TMPRSS12: variants seen among roughly 807,000 people sequenced by gnomAD.
TMPRSS12 encodes transmembrane serine protease 12.
A neutral mutation model predicts 26.0 loss-of-function variants in TMPRSS12; 25 were observed. That is an observed-to-expected ratio of 0.96 (90% CI 0.70 to 1.34). TMPRSS12 has a LOEUF of 1.34. Ranked by LOEUF, TMPRSS12 falls within the 40% of genes most tolerant of loss-of-function variation. The probability of loss-of-function intolerance (pLI) is 0.00; values close to 1 mark genes in which losing one functional copy is unlikely to be tolerated. For missense variants in TMPRSS12, 441 were observed against 440.1 expected, an observed-to-expected ratio of 1.00 and a Z score of -0.02; for synonymous variants, 150 against 161.7, an observed-to-expected ratio of 0.93 and a Z score of 0.55.
intron 2 of TMPRSS12, among the ~76,000 whole-genome samples, chr12:50,857,018 A>T (rs829135): frequency 0.65 from 98,526 of 151,990 alleles, 32,245 homozygotes; most frequent in Non-Finnish European, 0.7. Context: ...AGAAAATGAG[A>T]AAACAGAAAT....
chr12:50,878,300 G>T (rs138006190), intron 3 of TMPRSS12, among the ~76,000 whole-genome samples: 3 of 152,280 alleles, frequency 2.0e-5, no homozygotes, highest in African/African-American at 7.2e-5. Flanking sequence ...ACCTGTAGAG[G>T]CTGGGAGTGG....
intron 3 of TMPRSS12, among the ~76,000 whole-genome samples, chr12:50,881,728 T>C (rs1938164797): frequency 6.6e-6 from 1 of 151,554 alleles, no homozygotes. Flanking sequence ...CCCAGCACTT[T>C]GGGAGGCTGA....
rs1281379620 is a variant in TMPRSS12, at chr12:50,843,248, A to G, written c.187+97A>G. Reference sequence around the variant, plus strand: ...GGGTTTCTCCTTTTCTGTTGTCCCAATGGCCTTTAACCAAAATTTTACATA... The same window carrying G: ...GGGTTTCTCCTTTTCTGTTGTCCCAGTGGCCTTTAACCAAAATTTTACATA... On this transcript the variant is annotated intron_variant, in intron 1 of 4. Coordinates refer to ENST00000398458, the MANE Select transcript of TMPRSS12 (RefSeq NM_182559.3). 1.3e-5 allele frequency: 17 copies of G among 1,353,370 alleles called. No individual in the cohort carries two copies. In the South Asian group the frequency reaches 1.5e-4, roughly 12 times the overall value. 83.8% of individuals were successfully genotyped at this position (1,353,370 alleles called of 1,614,324 possible). A position where few individuals can be genotyped will look rare whatever the true frequency, so the allele number is the denominator to read the frequency against.
intron 2 of TMPRSS12, among the ~76,000 whole-genome samples, chr12:50,850,202 T>C (rs997167214): frequency 4.6e-5 from 7 of 152,030 alleles, no homozygotes; most frequent in Non-Finnish European, 1.0e-4. Flanking sequence ...GGTGACTGGA[T>C]TGTGGGGGCA....
chr12:50,847,758 G>A (rs886304526), intron 2 of TMPRSS12, among the ~76,000 whole-genome samples: 3 of 152,026 alleles, frequency 2.0e-5, no homozygotes, highest in Admixed American at 1.3e-4. Context: ...TTAGCCAGGC[G>A]TGGTGGTGGG....
intron 4 of TMPRSS12, chr12:50,886,164 G>A (rs1565938982): frequency 6.6e-6 from 1 of 151,948 alleles, no homozygotes; most frequent in African/African-American, 2.4e-5. Flanking sequence ...TTTTATCACT[G>A]AGTTATAAGC....
intron 2 of TMPRSS12, among the ~76,000 whole-genome samples, chr12:50,848,749 A>T (rs1937797265): frequency 6.6e-6 from 1 of 152,198 alleles, no homozygotes; most frequent in African/African-American, 2.4e-5. Flanking sequence ...TTTCCCAGAG[A>T]GCTGTGGTCA....
At chr12:50,865,210 G>A (rs1057505713) in intron 3 of TMPRSS12, among the ~76,000 whole-genome samples, 1 of 152,210 alleles carries the variant, frequency 6.6e-6, no homozygotes, top group East Asian at 1.9e-4. Flanking sequence ...GTGGGTGCCT[G>A]TAATCCCAGC....
At chr12:50,852,636 C>G (rs1022396922) in intron 2 of TMPRSS12, among the ~76,000 whole-genome samples, 3 of 152,080 alleles carry the variant, frequency 2.0e-5, no homozygotes, top group African/African-American at 7.2e-5. Flanking sequence ...GTCTTGAACT[C>G]CTGACTTCGT....
intron 3 of TMPRSS12, among the ~76,000 whole-genome samples, 166 bp downstream of exon 3, chr12:50,859,219 C>CTTTT (rs34544871): frequency 6.9e-6 from 1 of 144,860 alleles, no homozygotes; most frequent in Non-Finnish European, 1.5e-5. Context: ...TTTATGGTAC[C>CTTTT]TTTTTTTTTT....
chr12:50,886,601 G>A (rs946909152), intron 4 of TMPRSS12: 2 of 152,134 alleles, frequency 1.3e-5, no homozygotes, highest in Admixed American at 6.6e-5. Context: ...ATAGAGAATC[G>A]GAAACAGTTA....
At position 50,859,117 on chromosome 12, in the gene TMPRSS12, C is replaced by T. The variant is rs1937910571; in HGVS notation, c.652+64C>T. The T allele has an allele frequency of 3.6e-6, 5 of 1,397,202 alleles. No homozygotes were observed. The Admixed American group carries it at 8.6e-5, about 24-fold the overall frequency. 86.6% of individuals were successfully genotyped at this position (1,397,202 alleles called of 1,614,324 possible). On this transcript the variant is annotated intron_variant, in intron 3 of 4. Coordinates refer to ENST00000398458, the MANE Select transcript of TMPRSS12 (RefSeq NM_182559.3). Reference sequence around the variant, plus strand: ...GATTATGGGCAGAGGAAGGTCAAACCTTTTATATACATTCATGTGCCACAT... The same window carrying T: ...GATTATGGGCAGAGGAAGGTCAAACTTTTTATATACATTCATGTGCCACAT...
intron 1 of TMPRSS12, 106 bp from the exon 2 acceptor site, chr12:50,843,734 TTG>T: frequency 8.6e-7 from 1 of 1,169,506 alleles, no homozygotes; most frequent in Non-Finnish European, 1.2e-6. Context: ...TTAGCTTGCT[TTG>T]TGTTTTTAAC....
chr12:50,881,832 G>A (rs1018142776), intron 3 of TMPRSS12, among the ~76,000 whole-genome samples: 4 of 150,500 alleles, frequency 2.7e-5, no homozygotes, highest in South Asian at 2.1e-4. Context: ...TTAGCTGGGC[G>A]TGGTGGCGTG....
chr12:50,853,191 A>T (rs1821939), intron 2 of TMPRSS12, among the ~76,000 whole-genome samples: 98,538 of 152,066 alleles, frequency 0.65, 32,242 homozygotes, highest in Non-Finnish European at 0.7. Flanking sequence ...ACCATATAAT[A>T]ACATGGAAAT....
chr12:50,858,753 T>C (rs201892665), intron 2 of TMPRSS12, 32 bp from the exon 3 acceptor site: 2 of 1,441,932 alleles, frequency 1.4e-6, no homozygotes, highest in Admixed American at 2.8e-5. Flanking sequence ...TAATTAAAGA[T>C]ATTTATAATA....
At chr12:50,849,513 C>CTCTCATCT (rs1163746243) in intron 2 of TMPRSS12, among the ~76,000 whole-genome samples, 3 of 151,882 alleles carry the variant, frequency 2.0e-5, no homozygotes, top group African/African-American at 4.8e-5. Context: ...ACCTTAAATC[C>CTCTCATCT]TCTCATGACC....
At chr12:50,864,165 T>A (rs997708112) in intron 3 of TMPRSS12, among the ~76,000 whole-genome samples, 1 of 152,082 alleles carries the variant, frequency 6.6e-6, no homozygotes, top group Non-Finnish European at 1.5e-5. Flanking sequence ...TAACACTGAG[T>A]AGACTACAAA....
At chr12:50,866,916 T>C (rs1180719800) in intron 3 of TMPRSS12, among the ~76,000 whole-genome samples, 1 of 152,036 alleles carries the variant, frequency 6.6e-6, no homozygotes, top group African/African-American at 2.4e-5. Context: ...GGAAGCCACA[T>C]CCATAAGAAA....
Sources: allele counts gnomAD v4.1 joint callset (sites outside exome capture counted in the v4.1 genomes callset), GRCh38; gene constraint gnomAD v4.1.1; transcripts MANE v1.5; gene names NCBI Gene and HGNC (gene_info 2026-07-23, HGNC 2026-07-21).